Variants in SCN11A observed in about 807,000 individuals in gnomAD.
SCN11A encodes the protein sodium voltage-gated channel alpha subunit 11, also known as sodium channel protein type 11 subunit alpha.
In SCN11A, 122 loss-of-function variants were observed where a neutral mutation model predicts 162.2. The observed-to-expected ratio is 0.75, with a 90% CI of 0.65 to 0.87. SCN11A has a LOEUF of 0.87. Ranked by LOEUF, SCN11A falls within the 40% of genes least tolerant of loss-of-function variation. The probability of loss-of-function intolerance (pLI) is 0.00; values close to 1 mark genes in which losing one functional copy is unlikely to be tolerated. For missense variants in SCN11A, 2,015 were observed against 2,181.6 expected (o/e 0.92, Z 1.52); for synonymous variants, 758 against 751.5 (o/e 1.01, Z -0.14).
intron 2 of SCN11A, among the ~76,000 whole-genome samples, chr3:38,968,689 C>T (rs2066798548): frequency 6.6e-6 from 1 of 152,146 alleles, no homozygotes; most frequent in African/African-American, 2.4e-5. Flanking sequence ...CACACCCACA[C>T]ACGCACACAC....
chr3:38,900,320 G>A (rs1039112995), intron 16 of SCN11A, among the ~76,000 whole-genome samples: 2 of 152,090 alleles, frequency 1.3e-5, no homozygotes, highest in African/African-American at 4.8e-5. Flanking sequence ...ACACCAGAAT[G>A]GAAAATGAAT....
intron 2 of SCN11A, among the ~76,000 whole-genome samples, chr3:38,991,562 A>G (rs1382873983): frequency 6.6e-6 from 1 of 152,242 alleles, no homozygotes; most frequent in Non-Finnish European, 1.5e-5. Context: ...GCTTACAAAA[A>G]TTGACAAAAT....
At chr3:38,894,457 A>T in intron 19 of SCN11A, 76 bp downstream of exon 19, 1 of 1,232,412 alleles carries the variant, frequency 8.1e-7, no homozygotes, top group Non-Finnish European at 1.1e-6. Context: ...TAGTGCCTAG[A>T]AAAGGGCAGG....
chr3:39,037,529 T>C (rs1360268014), intron 1 of SCN11A, among the ~76,000 whole-genome samples: 2 of 152,192 alleles, frequency 1.3e-5, no homozygotes, highest in East Asian at 3.8e-4. Context: ...AGGTAATAGA[T>C]ACGCCATATA....
intron 2 of SCN11A, among the ~76,000 whole-genome samples, chr3:38,969,868 TTCTC>T (rs1459253268): frequency 6.6e-6 from 1 of 152,218 alleles, no homozygotes; most frequent in African/African-American, 2.4e-5. Context: ...GAAGGCTCAG[TTCTC>T]TCTCTAAAAT....
At chr3:39,035,036 C>G (rs925321573) in intron 1 of SCN11A, among the ~76,000 whole-genome samples, 1 of 152,102 alleles carries the variant, frequency 6.6e-6, no homozygotes, top group African/African-American at 2.4e-5. Flanking sequence ...AAGCAATCTA[C>G]AGACTCAATG....
intron 1 of SCN11A, among the ~76,000 whole-genome samples, chr3:39,051,634 T>A (rs965302254): frequency 2.0e-5 from 3 of 152,212 alleles, no homozygotes; most frequent in Non-Finnish European, 4.4e-5. Context: ...TTGGTTCTCC[T>A]GCCTGCCTAG....
At chr3:38,954,990 A>G (rs113785418) in intron 3 of SCN11A, among the ~76,000 whole-genome samples, 1 of 152,176 alleles carries the variant, frequency 6.6e-6, no homozygotes, top group Non-Finnish European at 1.5e-5. Flanking sequence ...TCTGTCTCAA[A>G]AAAAGAAAAG....
intron 7 of SCN11A, among the ~76,000 whole-genome samples, chr3:38,935,740 C>A (rs2125563153): frequency 6.6e-6 from 1 of 152,230 alleles, no homozygotes; most frequent in African/African-American, 2.4e-5. Context: ...AGCTTACCAA[C>A]CAAAAAGAGT....
chr3:39,037,540 C>A (rs73064285), intron 1 of SCN11A, among the ~76,000 whole-genome samples: 15,794 of 152,056 alleles, frequency 0.1, 1,044 homozygotes, highest in East Asian at 0.22. Flanking sequence ...ACGCCATATA[C>A]CCTGATGTGA....
chr3:38,911,186 C>T (rs1044947285), intron 11 of SCN11A, among the ~76,000 whole-genome samples: 1 of 152,034 alleles, frequency 6.6e-6, no homozygotes, highest in Non-Finnish European at 1.5e-5. Flanking sequence ...ATGTTTTACT[C>T]CCTCATTCTT....
At chr3:38,853,823 T>C (rs1279985410) in intron 28 of SCN11A, among the ~76,000 whole-genome samples, 1 of 152,210 alleles carries the variant, frequency 6.6e-6, no homozygotes, top group Non-Finnish European at 1.5e-5. Context: ...CAAACTCACT[T>C]GTCAGAGCTA....
intron 1 of SCN11A, among the ~76,000 whole-genome samples, chr3:39,034,544 A>G (rs1407277471): frequency 6.6e-6 from 1 of 152,248 alleles, no homozygotes; most frequent in Non-Finnish European, 1.5e-5. Flanking sequence ...AAGATCTGGA[A>G]CACAACAAAG....
At chr3:38,898,950 G>A (rs547935846) in intron 17 of SCN11A, among the ~76,000 whole-genome samples, 1 of 152,070 alleles carries the variant, frequency 6.6e-6, no homozygotes, top group Non-Finnish European at 1.5e-5. Flanking sequence ...ATGCAATTTT[G>A]CTTACCTGAG....
chr3:38,870,064 C>T (rs1310803895), intron 26 of SCN11A, among the ~76,000 whole-genome samples: 2 of 152,160 alleles, frequency 1.3e-5, no homozygotes, highest in Non-Finnish European at 2.9e-5. Flanking sequence ...CTTGAGCCAA[C>T]CATCTGCTTA....
intron 2 of SCN11A, among the ~76,000 whole-genome samples, chr3:38,989,723 A>C (rs967981718): frequency 6.6e-6 from 1 of 152,122 alleles, no homozygotes; most frequent in African/African-American, 2.4e-5. Context: ...GTAAAATGGG[A>C]ATTAGTGAGT....
chr3:39,045,055 A>G (rs1244350200), intron 1 of SCN11A, among the ~76,000 whole-genome samples: 1 of 152,170 alleles, frequency 6.6e-6, no homozygotes, highest in Non-Finnish European at 1.5e-5. Flanking sequence ...GCCTAGAGGA[A>G]ATGAATTCCT....
chr3:38,949,625 G>T (rs1321399510), intron 5 of SCN11A, among the ~76,000 whole-genome samples: 1 of 152,098 alleles, frequency 6.6e-6, no homozygotes, highest in African/African-American at 2.4e-5. Flanking sequence ...TTAATCCTTT[G>T]TATCAGTATA....
intron 18 of SCN11A, among the ~76,000 whole-genome samples, chr3:38,896,340 C>T (rs1029101655): frequency 2.6e-4 from 40 of 152,174 alleles, no homozygotes; most frequent in African/African-American, 7.7e-4. Flanking sequence ...GAGGATTGCA[C>T]AGCAGTCCTG....
Sources: allele counts gnomAD v4.1 joint callset (sites outside exome capture counted in the v4.1 genomes callset), GRCh38; gene constraint gnomAD v4.1.1; transcripts MANE v1.5; gene names NCBI Gene and HGNC (gene_info 2026-07-23, HGNC 2026-07-21).